The following ALDH1A2 variants were observed in gnomAD, a reference collection of about 807,000 sequenced individuals.
ALDH1A2 encodes the protein retinal dehydrogenase 2.
In ALDH1A2, 27 loss-of-function variants were observed where a neutral mutation model predicts 60.3. That is an observed-to-expected ratio of 0.45 (90% CI 0.33 to 0.62). The LOEUF (loss-of-function observed/expected upper bound fraction) is 0.62. ALDH1A2 is among the 20% of genes least tolerant of loss of function. The probability of loss-of-function intolerance (pLI) is 0.02; values close to 1 mark genes in which losing one functional copy is unlikely to be tolerated. For synonymous variants in ALDH1A2, 289 were observed against 232.4 expected (o/e 1.24, Z -2.21); for missense variants, 581 against 643.8 (o/e 0.90, Z 1.06).
chr15:58,000,283 T>C (rs1164768674), intron 4 of ALDH1A2, among the ~76,000 whole-genome samples: 1 of 151,886 alleles, frequency 6.6e-6, no homozygotes, highest in Non-Finnish European at 1.5e-5. Flanking sequence ...TAGTCTGATC[T>C]GGGGTGCCTG....
At chr15:58,012,284 A>C (rs190887635) in intron 3 of ALDH1A2, 1 of 152,328 alleles carries the variant, frequency 6.6e-6, no homozygotes. Context: ...TCTTTAGCTC[A>C]ATTAAACAGT....
chr15:57,993,247 T>C (rs953295811), intron 5 of ALDH1A2, among the ~76,000 whole-genome samples, 174 bp from the exon 6 acceptor site: 2 of 152,202 alleles, frequency 1.3e-5, no homozygotes, highest in Non-Finnish European at 2.9e-5. Context: ...AGCACTGACC[T>C]TGGAAATCTC....
chr15:57,978,106 G>A (rs994887775), intron 7 of ALDH1A2, among the ~76,000 whole-genome samples: 2 of 152,168 alleles, frequency 1.3e-5, no homozygotes, highest in Non-Finnish European at 2.9e-5. Flanking sequence ...AGACTATGGG[G>A]TTTTCTAAAT....
Position 58,014,285 on chromosome 15 carries a change from A to C in ALDH1A2, c.118-4T>G, listed in dbSNP as rs1418285262. 1.2e-6 allele frequency: 2 copies of C among 1,610,940 alleles called. No homozygotes were observed. The highest frequency in any genetic ancestry group is 1.1e-5 in the South Asian group (1 of 91,028). On this transcript the variant is annotated splice_region_variant and splice_polypyrimidine_tract_variant and intron_variant, in intron 1 of 12. Transcript: ENST00000249750. ...GCCACTCGTTGTTTATAAAGATCTA[A>C]GGGAGTAGATAACAGAATGGGATCT...
chr15:57,998,122 C>T (rs754056325), intron 4 of ALDH1A2, among the ~76,000 whole-genome samples: 1 of 151,882 alleles, frequency 6.6e-6, no homozygotes, highest in Non-Finnish European at 1.5e-5. Flanking sequence ...GGAAGCATTC[C>T]CCTTGAAAAC....
intron 4 of ALDH1A2, among the ~76,000 whole-genome samples, chr15:58,008,284 G>A (rs11071360): frequency 0.88 from 133,728 of 152,034 alleles, 60,323 homozygotes; most frequent in East Asian, 1. Flanking sequence ...AGAATTCATC[G>A]TTTTTTTTCC....
intron 7 of ALDH1A2, among the ~76,000 whole-genome samples, chr15:57,984,089 G>C (rs1595638485): frequency 6.6e-6 from 1 of 152,306 alleles, no homozygotes; most frequent in African/African-American, 2.4e-5. Context: ...CTATGGGAGG[G>C]TGTATAGTCC....
chr15:58,028,783 A>C (rs1338684072), intron 1 of ALDH1A2, among the ~76,000 whole-genome samples: 2 of 152,184 alleles, frequency 1.3e-5, no homozygotes, highest in African/African-American at 4.8e-5. Flanking sequence ...TAAACCAACA[A>C]AGATCAAAAG....
At chr15:58,014,582 G>A (rs1296917039) in intron 1 of ALDH1A2, 8 of 476,554 alleles carry the variant, frequency 1.7e-5, no homozygotes, top group Admixed American at 7.0e-5. Context: ...TGATGCTAAG[G>A]CAAGAGTTAT....
At chr15:58,058,903 C>T (rs970630621) in intron 1 of ALDH1A2, among the ~76,000 whole-genome samples, 9 of 152,158 alleles carry the variant, frequency 5.9e-5, no homozygotes, top group African/African-American at 1.2e-4. Context: ...TTAATCCCCA[C>T]GTTTAGCCCC....
chr15:58,007,012 A>C (rs568266137), intron 4 of ALDH1A2, among the ~76,000 whole-genome samples: 30 of 152,040 alleles, frequency 2.0e-4, no homozygotes, highest in African/African-American at 6.7e-4. Context: ...AGAATGCTGT[A>C]ATGTGCCTTA....
chr15:57,962,504 T>C (rs1036600459), intron 9 of ALDH1A2, among the ~76,000 whole-genome samples: 2 of 152,172 alleles, frequency 1.3e-5, no homozygotes, highest in African/African-American at 2.4e-5. Context: ...TGAGGGAAAA[T>C]TGACTTTTAT....
intron 4 of ALDH1A2, among the ~76,000 whole-genome samples, chr15:57,997,611 C>T (rs555743873): frequency 5.3e-5 from 8 of 152,040 alleles, no homozygotes; most frequent in South Asian, 4.1e-4. Context: ...TAAACCATTT[C>T]CCCCTACACA....
chr15:58,048,161 T>C (rs1896679909), intron 1 of ALDH1A2, among the ~76,000 whole-genome samples: 1 of 151,944 alleles, frequency 6.6e-6, no homozygotes, highest in African/African-American at 2.4e-5. Flanking sequence ...ATTCAGACAG[T>C]ACAAGGTCAA....
intron 7 of ALDH1A2, among the ~76,000 whole-genome samples, chr15:57,975,135 C>T (rs1441817): frequency 6.6e-6 from 1 of 152,162 alleles, no homozygotes; most frequent in African/African-American, 2.4e-5. Context: ...ATGGTATAAC[C>T]GATTTGGAAA....
At position 57,999,120 on chromosome 15, in the gene ALDH1A2, C is replaced by T. The variant is rs571755928; in HGVS notation, c.494-3981G>A. Among the ~76,000 whole-genome samples, 5 of 152,144 alleles carry T rather than the reference C, an allele frequency of 3.3e-5. No homozygotes were observed. In the South Asian group the frequency reaches 1.0e-3, roughly 31 times the overall value. On this transcript the variant is annotated intron_variant, in intron 4 of 12. Transcript: ENST00000249750. Reference sequence around the variant, plus strand: ...ACTCTACAAGAAAATCTAGGCAATACCATTCAGGACATGGGCATAGGCAAG... The same window carrying T: ...ACTCTACAAGAAAATCTAGGCAATATCATTCAGGACATGGGCATAGGCAAG...
At chr15:57,959,377 A>G (rs948160413) in intron 12 of ALDH1A2, among the ~76,000 whole-genome samples, 29 of 152,228 alleles carry the variant, frequency 1.9e-4, no homozygotes, top group Non-Finnish European at 4.4e-5. Flanking sequence ...AAGACTCTGT[A>G]AAAGCTGAAG....
intron 4 of ALDH1A2, 95 bp from the exon 5 acceptor site, chr15:57,995,234 A>C (rs1279402225): frequency 3.5e-5 from 25 of 721,634 alleles, no homozygotes; most frequent in Non-Finnish European, 4.3e-5. Flanking sequence ...AAAAAAAAAA[A>C]AACAAACAGA....
At chr15:57,974,450 AAAAG>A (rs1566933980) in intron 7 of ALDH1A2, among the ~76,000 whole-genome samples, 11 of 150,870 alleles carry the variant, frequency 7.3e-5, no homozygotes, top group African/African-American at 2.4e-4. Context: ...AAAAAAAAAA[AAAAG>A]AAAGAAATAG....
Sources: gnomAD v4.1 joint callset for allele counts (sites outside exome capture counted in the v4.1 genomes callset) on GRCh38, gnomAD v4.1.1 for gene constraint, MANE v1.5 for transcripts, NCBI Gene and HGNC (gene_info 2026-07-23, HGNC 2026-07-21) for gene names.